SH3BP5: variants seen among roughly 807,000 people sequenced by gnomAD.
SH3BP5 encodes the protein SH3 domain binding protein 5.
In SH3BP5, 22 loss-of-function variants were observed where a neutral mutation model predicts 43.3. The ratio of observed to expected loss-of-function variants is 0.51; its 90% confidence interval spans 0.36 to 0.73. The LOEUF (loss-of-function observed/expected upper bound fraction) is 0.73, where lower values mean the gene tolerates loss of function less well. SH3BP5 is among the 30% of genes least tolerant of loss of function. The probability of loss-of-function intolerance (pLI) is 0.00; values close to 1 mark genes in which losing one functional copy is unlikely to be tolerated. For missense variants in SH3BP5, 529 were observed against 586.9 expected (o/e 0.90, Z 1.02); for synonymous variants, 255 against 225.8 (o/e 1.13, Z -1.16).
chr3:15,304,047 A>G (rs986898162), intron 3 of SH3BP5, 56 bp downstream of exon 3: 1 of 1,474,490 alleles, frequency 6.8e-7, no homozygotes, highest in Non-Finnish European at 9.5e-7. Flanking sequence ...AGGCACCCTT[A>G]AAACTGAGGG....
chr3:15,332,251 G>C lies in SH3BP5; in HGVS notation c.138+20C>G, dbSNP rs1264785836. On this transcript the variant is annotated intron_variant, in intron 1 of 8. Coordinates refer to ENST00000383791, the MANE Select transcript of SH3BP5 (RefSeq NM_004844.5). The stretch of plus-strand genomic sequence containing the variant: ...CAGCCCTCGCGAAGCCCGGATGCGG[G>C]GCGACCCCGCGCGCCCTACCTGGAT... The C allele has an allele frequency of 1.2e-5, 18 of 1,551,678 alleles. No homozygotes were observed. Among genetic ancestry groups the C allele is most frequent in the Non-Finnish European group, 1.6e-5 (18 of 1,151,196 alleles).
upstream of SH3BP5, among the ~76,000 whole-genome samples, chr3:15,332,833 AG>A (rs1698651602): frequency 6.6e-6 from 1 of 152,092 alleles, no homozygotes; most frequent in Admixed American, 6.5e-5. Context: ...CCCCTCCTCC[AG>A]CCCTCCTCCG....
At position 15,269,698 on chromosome 3, in the gene SH3BP5, G is replaced by C; in HGVS notation, c.495+15C>G. On this transcript the variant is annotated intron_variant, in intron 4 of 8. Transcript: ENST00000383791. ...ACGCGCACACCCCCACAGCACACCCGGCCATGACTCATACCCTCTGAGTGG... is the reference window on the plus strand; with the variant it reads ...ACGCGCACACCCCCACAGCACACCCCGCCATGACTCATACCCTCTGAGTGG... 6.4e-7 allele frequency: 1 copy of C among 1,559,490 alleles called. No homozygotes were observed. Among genetic ancestry groups the C allele is most frequent in the Non-Finnish European group, 8.7e-7 (1 of 1,147,542 alleles).
At chr3:15,306,068 A>C (rs1697895824) in intron 2 of SH3BP5, among the ~76,000 whole-genome samples, 1 of 151,980 alleles carries the variant, frequency 6.6e-6, no homozygotes, top group Non-Finnish European at 1.5e-5. Context: ...AAAAAAAGAG[A>C]AATGGCAGCC....
At position 15,259,768 on chromosome 3, in the gene SH3BP5, T is replaced by G; in HGVS notation, c.662A>C (p.Gln221Pro). The change falls in exon 6 of 9, where the codon CAG (glutamine) becomes CCG (proline). Residue 221 changes from glutamine to proline, a missense_variant. By Grantham distance (76) the Gln-to-Pro change is moderately conservative. Transcript: ENST00000383791. ...YFELKAKYYV[Q>P]LEQLKKTVDD... ...GCCCAAAGCTACACATACCTCGAGC[T>G]GCACATAGTACTTTGCCTTGAGTTC... 1 of 1,614,142 alleles carries G rather than the reference T, an allele frequency of 6.2e-7. No individual in the cohort carries two copies. Among genetic ancestry groups the G allele is most frequent in the Non-Finnish European group, 8.5e-7 (1 of 1,180,006 alleles).
At chr3:15,286,593 G>A (rs1470091074) in intron 3 of SH3BP5, among the ~76,000 whole-genome samples, 1 of 152,188 alleles carries the variant, frequency 6.6e-6, no homozygotes, top group Non-Finnish European at 1.5e-5. Context: ...TGTCGCCCAG[G>A]CTACAGTGCA....
intron 3 of SH3BP5, among the ~76,000 whole-genome samples, chr3:15,302,965 T>C (rs1697794884): frequency 6.6e-6 from 1 of 152,038 alleles, no homozygotes; most frequent in Admixed American, 6.5e-5. Context: ...CCCACCACCA[T>C]ACCCGGCTAA....
At chr3:15,276,985 T>C (rs1284006450) in intron 3 of SH3BP5, among the ~76,000 whole-genome samples, 1 of 152,050 alleles carries the variant, frequency 6.6e-6, no homozygotes, top group African/African-American at 2.4e-5. Flanking sequence ...AGTTTTGCTC[T>C]TGCCACCCAG....
chr3:15,305,841 G>A (rs1159748485), intron 2 of SH3BP5, among the ~76,000 whole-genome samples: 1 of 152,054 alleles, frequency 6.6e-6, no homozygotes, highest in African/African-American at 2.4e-5. Flanking sequence ...AAGAAGGACT[G>A]TGCAAGGCTT....
chr3:15,322,320 T>G (rs1329923216), intron 2 of SH3BP5, among the ~76,000 whole-genome samples: 1 of 152,202 alleles, frequency 6.6e-6, no homozygotes, highest in African/African-American at 2.4e-5. Flanking sequence ...GTATAGTTTT[T>G]TTTCCCCCAC....
At chr3:15,301,416 G>A (rs527604639) in intron 3 of SH3BP5, among the ~76,000 whole-genome samples, 2 of 152,180 alleles carry the variant, frequency 1.3e-5, no homozygotes, top group South Asian at 2.1e-4. Context: ...CTGTATGCTG[G>A]CATTGCAGAT....
intron 7 of SH3BP5, 73 bp downstream of exon 7, chr3:15,258,757 GA>G: frequency 7.3e-7 from 1 of 1,360,622 alleles, no homozygotes; most frequent in Non-Finnish European, 1.0e-6. Flanking sequence ...GATGGCCAGA[GA>G]AAGTGAGGAC....
intron 3 of SH3BP5, among the ~76,000 whole-genome samples, chr3:15,271,408 G>A (rs967617111): frequency 3.3e-5 from 5 of 152,000 alleles, no homozygotes; most frequent in African/African-American, 1.2e-4. Context: ...GGCTGGGCAC[G>A]GTGGCTCAAA....
intron 1 of SH3BP5, chr3:15,341,126 TA>T (rs1218045582): frequency 6.6e-6 from 1 of 152,200 alleles, no homozygotes; most frequent in Non-Finnish European, 1.5e-5. Flanking sequence ...AGCACTTTTA[TA>T]AACCTAAACT....
chr3:15,305,929 G>C (rs1445274172), intron 2 of SH3BP5, among the ~76,000 whole-genome samples: 1 of 151,976 alleles, frequency 6.6e-6, no homozygotes, highest in East Asian at 1.9e-4. Flanking sequence ...GTTAGTCCCA[G>C]GTCTAGGAGG....
At position 15,304,062 on chromosome 3, in the gene SH3BP5, T is replaced by C. The variant is rs369990962; in HGVS notation, c.330+41A>G. On this transcript the variant is annotated intron_variant, in intron 3 of 8. Transcript: ENST00000383791. ...AGGCACCCTTAAAACTGAGGGGTAGTGAGGCTCGAGGTAGGGGAGACATCT... is the reference window on the plus strand; with the variant it reads ...AGGCACCCTTAAAACTGAGGGGTAGCGAGGCTCGAGGTAGGGGAGACATCT... The C allele has an allele frequency of 5.3e-5, 83 of 1,558,750 alleles. No individual in the cohort carries two copies. In the African/African-American group the frequency reaches 1.1e-3, roughly 20 times the overall value.
In SH3BP5 at chr3:15,301,374, A is replaced by C. The variant is rs145376648; in HGVS notation, c.330+2729T>G. Among the ~76,000 whole-genome samples, 1,112 of 152,270 alleles carry C rather than the reference A, an allele frequency of 7.3e-3. 20 individuals carry two copies. The highest frequency in any genetic ancestry group is 0.026 in the African/African-American group (1,067 of 41,534). ...CCCAACATCATTCACTAGTTTGTTC[A>C]TTTATTGATTTATACAATATTTGAG... On this transcript the variant is annotated intron_variant, in intron 3 of 8. Coordinates refer to ENST00000383791, the MANE Select transcript of SH3BP5 (RefSeq NM_004844.5).
upstream of SH3BP5, among the ~76,000 whole-genome samples, chr3:15,334,805 C>T (rs985359249): frequency 6.0e-5 from 9 of 151,222 alleles, no homozygotes; most frequent in East Asian, 2.0e-4. Context: ...ACAAAAAATT[C>T]GCCAAGTGTG....
intron 6 of SH3BP5, 107 bp from the exon 7 acceptor site, chr3:15,259,157 A>G (rs1575275712): frequency 1.1e-6 from 1 of 901,452 alleles, no homozygotes; most frequent in East Asian, 2.6e-5. Context: ...TACTTCAAGG[A>G]ATTTTCCAAG....
Sources: allele counts gnomAD v4.1 joint callset (sites outside exome capture counted in the v4.1 genomes callset), GRCh38; gene constraint gnomAD v4.1.1; transcripts MANE v1.5; gene names NCBI Gene and HGNC (gene_info 2026-07-23, HGNC 2026-07-21).